Variants in NLRC5 observed in about 807,000 individuals in gnomAD.
NLRC5 encodes the protein NLR family CARD domain containing 5, also known as protein NLRC5.
A neutral mutation model predicts 206.9 loss-of-function variants in NLRC5; 114 were observed. The ratio of observed to expected loss-of-function variants is 0.55; its 90% CI spans 0.47 to 0.64. NLRC5 has a LOEUF of 0.64. Among genes scored for constraint, NLRC5 ranks in the 30% least tolerant of loss-of-function variants. NLRC5 has a pLI of 0.00. For missense variants in NLRC5, 2,008 were observed against 2,305.5 expected (o/e 0.87, Z 2.64); for synonymous variants, 952 against 962.8 (o/e 0.99, Z 0.21).
In NLRC5 at chr16:57,028,132, A is replaced by T; in HGVS notation, c.2136A>T (p.Thr712=). The T allele has an allele frequency of 6.2e-7, 1 of 1,613,502 alleles. No individual in the cohort carries two copies. The highest frequency in any genetic ancestry group is 1.1e-5 in the South Asian group (1 of 91,016). The part of the protein sequence containing the change: ...FAEALSRSLP[T]MGRLQMLGLA... ...AAGCCCTCTCCAGGAGCTTGCCGAC[A>T]ATGGGGAGGCTGCAGATGCTGGGGT... The change falls in exon 7 of 49, where the codon ACA becomes ACT. Residue 712 remains threonine, a synonymous_variant. Coordinates refer to ENST00000688547, the MANE Select transcript of NLRC5 (RefSeq NM_001384950.1).
intron 1 of NLRC5, among the ~76,000 whole-genome samples, chr16:57,002,511 T>C (rs2058377386): frequency 6.6e-6 from 1 of 152,224 alleles, no homozygotes; most frequent in Non-Finnish European, 1.5e-5. Flanking sequence ...ATCTTGGCTA[T>C]TGTAAACAGT....
At chr16:57,016,720 A>G (rs899942053) in intron 1 of NLRC5, among the ~76,000 whole-genome samples, 26 of 152,172 alleles carry the variant, frequency 1.7e-4, no homozygotes, top group South Asian at 6.2e-4. Flanking sequence ...GGATTATTTC[A>G]TTTTCATCTG....
chr16:57,049,522 G>C (rs1184379318), intron 23 of NLRC5, among the ~76,000 whole-genome samples: 1 of 152,048 alleles, frequency 6.6e-6, no homozygotes, highest in African/African-American at 2.4e-5. Flanking sequence ...TGGATCATGA[G>C]GTCAGGAGTT....
chr16:57,033,968 T>C (rs1342371705), intron 12 of NLRC5, among the ~76,000 whole-genome samples, 200 bp from the exon 13 acceptor site: 1 of 152,220 alleles, frequency 6.6e-6, no homozygotes, highest in Non-Finnish European at 1.5e-5. Context: ...GTACACATTA[T>C]TATTCCCCTT....
chr16:57,026,459 C>T lies in NLRC5; in HGVS notation c.1516C>T (p.Gln506Ter), dbSNP rs1485517538. ...SFCVCTGPGH[Q>*]QTGYAFTHLS... Reference sequence around the variant, plus strand: ...CTGCGTCTGCACAGGCCCTGGGCACCAGCAGACAGGCTATGCTTTCACCCA... The same window carrying T: ...CTGCGTCTGCACAGGCCCTGGGCACTAGCAGACAGGCTATGCTTTCACCCA... Residue 506 changes from glutamine (Q) to a stop codon, truncating the protein, a stop_gained, in exon 6 of 49, where the codon CAG (glutamine) becomes TAG (stop). Transcript: ENST00000688547. LOFTEE classifies it high-confidence loss of function. The T allele has an allele frequency of 6.2e-7, 1 of 1,614,150 alleles. No homozygotes were observed. Among genetic ancestry groups the T allele is most frequent in the Non-Finnish European group, 8.5e-7 (1 of 1,180,016 alleles).
At position 57,082,509 on chromosome 16, in the gene NLRC5, AGGCCCCTT is replaced by A; in HGVS notation, c.5585_5592del (p.Ala1862GlyfsTer29). 1 of 1,613,508 alleles carries A rather than the reference AGGCCCCTT, an allele frequency of 6.2e-7. No individual in the cohort carries two copies. Among genetic ancestry groups the A allele is most frequent in the Non-Finnish European group, 8.5e-7 (1 of 1,179,636 alleles). Reference sequence around the variant, plus strand: ...TTTGCCTTCTTTGACAACCAGCCCCAGGCCCCTTGGGGTACTTGATGGCCCCCTCAAGA... The same window carrying A: ...TTTGCCTTCTTTGACAACCAGCCCCAGGGGTACTTGATGGCCCCCTCAAGA... On this transcript the variant is annotated frameshift_variant, in exon 49 of 49. Transcript: ENST00000688547. LOFTEE classifies it high-confidence loss of function.
intron 29 of NLRC5, 198 bp downstream of exon 29, chr16:57,059,259 G>C (rs2066090071): frequency 6.8e-7 from 1 of 1,468,606 alleles, no homozygotes; most frequent in South Asian, 1.4e-5. Context: ...GGGTGCCATG[G>C]GGACCATGGA....
chr16:57,053,012 C>T (rs1218035264), intron 24 of NLRC5: 1 of 152,254 alleles, frequency 6.6e-6, no homozygotes, highest in Non-Finnish European at 1.5e-5. Context: ...TGTGGCCCTA[C>T]TGTGGGCCAG....
chr16:57,022,316 G>A lies in NLRC5; in HGVS notation c.355+1G>A. On this transcript the variant is annotated splice_donor_variant, in intron 4 of 48. Coordinates refer to ENST00000688547, the MANE Select transcript of NLRC5 (RefSeq NM_001384950.1). LOFTEE classifies it high-confidence loss of function. ...CAACCTGAATCTCAGCTCCACCATG[G>A]TGAGGACTGGAGTTGGGGGGTGGGA... is the stretch of plus-strand genomic sequence containing the variant. The A allele has an allele frequency of 6.2e-7, 1 of 1,610,994 alleles. No homozygotes were observed. Among genetic ancestry groups the A allele is most frequent in the Non-Finnish European group, 8.5e-7 (1 of 1,177,558 alleles).
chr16:57,007,581 T>G (rs1381194718), intron 1 of NLRC5, among the ~76,000 whole-genome samples: 1 of 149,502 alleles, frequency 6.7e-6, no homozygotes, highest in Non-Finnish European at 1.5e-5. Context: ...AAAAAAAAAA[T>G]TAATCAGGCA....
At chr16:57,073,918 T>C (rs2068063567) in intron 38 of NLRC5, among the ~76,000 whole-genome samples, 2 of 152,370 alleles carry the variant, frequency 1.3e-5, no homozygotes, top group South Asian at 4.1e-4. Flanking sequence ...ATGTGTGAAC[T>C]CGTGCCAGTC....
intron 20 of NLRC5, 98 bp from the exon 21 acceptor site, chr16:57,045,350 C>G (rs1342741219): frequency 8.5e-7 from 1 of 1,171,774 alleles, no homozygotes; most frequent in African/African-American, 1.5e-5. Flanking sequence ...AGCAGGCCAC[C>G]CCAGGCCCTC....
At chr16:57,068,418 G>A (rs1217908483) in intron 36 of NLRC5, among the ~76,000 whole-genome samples, 6 of 147,090 alleles carry the variant, frequency 4.1e-5, no homozygotes, top group African/African-American at 1.5e-4. Context: ...GTGACAGAGC[G>A]AGGCTCGGTT....
chr16:57,042,150 T>C, intron 19 of NLRC5, 85 bp downstream of exon 19: 1 of 881,036 alleles, frequency 1.1e-6, no homozygotes, highest in Non-Finnish European at 1.6e-6. Flanking sequence ...CTGGGGTTAT[T>C]GTAAAGATTA....
At chr16:57,028,047 G>T in intron 6 of NLRC5, 25 bp from the exon 7 acceptor site, 1 of 1,588,086 alleles carries the variant, frequency 6.3e-7, no homozygotes, top group South Asian at 1.1e-5. Flanking sequence ...CTGATCCTCT[G>T]ACACTTCGCT....
In NLRC5 at chr16:57,055,738, G is replaced by T. The variant is rs193126086; in HGVS notation, c.3746+219G>T. Among the ~76,000 whole-genome samples the T allele has an allele frequency of 2.0e-4, 31 of 152,294 alleles. No individual in the cohort carries two copies. The East Asian group carries it at 5.4e-3, about 27-fold the overall frequency. ...CTCGCCATGGTGGAGCTAGTTCCAT[G>T]GTGTGCCCTCTGACTTGGGCAGCCC... On this transcript the variant is annotated intron_variant, in intron 27 of 48. Transcript: ENST00000688547.
rs148105715 is a variant in NLRC5 at position 57,077,732 on chromosome 16, A to G, written c.4933A>G (p.Ser1645Gly). 6 of 1,592,154 alleles carry G rather than the reference A, an allele frequency of 3.8e-6. No individual in the cohort carries two copies. The highest frequency in any genetic ancestry group is 5.1e-6 in the Non-Finnish European group (6 of 1,167,714). The change falls in exon 42 of 49, where the codon AGC (serine) becomes GGC (glycine). Residue 1645 changes from serine to glycine, a missense_variant. By Grantham distance (56) the Ser-to-Gly change is moderately conservative (BLOSUM62 0). Transcript: ENST00000688547. ...ELRKIDLSGN[S>G]ISSAGGVQLA... Reference sequence around the variant, plus strand: ...CCCCTCCCACAGCCTCTCAGGGAATAGCATCAGCTCAGCCGGGGGAGTGCA... The same window carrying G: ...CCCCTCCCACAGCCTCTCAGGGAATGGCATCAGCTCAGCCGGGGGAGTGCA...
intron 1 of NLRC5, among the ~76,000 whole-genome samples, chr16:56,999,619 G>A (rs1339418868): frequency 6.6e-6 from 1 of 152,270 alleles, no homozygotes; most frequent in Non-Finnish European, 1.5e-5. Flanking sequence ...CCCTGGCAGA[G>A]CCACAGAGTT....
At chr16:57,057,321 G>A (rs2065803222) in intron 27 of NLRC5, among the ~76,000 whole-genome samples, 1 of 152,230 alleles carries the variant, frequency 6.6e-6, no homozygotes, top group Admixed American at 6.5e-5. Context: ...CTACTTGGGA[G>A]GCTGAGGCAG....
Sources: allele counts gnomAD v4.1 joint callset (sites outside exome capture counted in the v4.1 genomes callset), GRCh38; gene constraint gnomAD v4.1.1; transcripts MANE v1.5; gene names NCBI Gene and HGNC (gene_info 2026-07-23, HGNC 2026-07-21).